COCH: variants seen among roughly 807,000 people sequenced by gnomAD.
COCH encodes the protein coagulation factor C homolog, cochlin (Limulus polyphemus).
A neutral mutation model predicts 54.8 loss-of-function variants in COCH; 40 were observed. The observed-to-expected ratio is 0.73, with a 90% CI of 0.57 to 0.95. The LOEUF is 0.95. Ranked by LOEUF, COCH falls within the 40% of genes least tolerant of loss-of-function variation. The pLI, the probability that COCH is intolerant of heterozygous loss-of-function variation, is 0.00. For synonymous variants in COCH, 256 were observed against 237.9 expected, an observed-to-expected ratio of 1.08 and a Z score of -0.70; for missense variants, 605 against 675.0, an observed-to-expected ratio of 0.90 and a Z score of 1.15.
intron 8 of COCH, among the ~76,000 whole-genome samples, chr14:30,881,105 C>T (rs1056810125): frequency 4.0e-5 from 6 of 150,852 alleles, no homozygotes; most frequent in Non-Finnish European, 1.5e-5. Flanking sequence ...ATCCTAGCTA[C>T]TTGGGAGGCT....
rs753785426 is a variant in COCH at position 30,885,788 on chromosome 14, C to T, written c.961-8C>T. The T allele has an allele frequency of 1.5e-4, 242 of 1,613,664 alleles. 1 individual carries two copies. The highest frequency in any genetic ancestry group is 6.6e-4 in the Middle Eastern group (4 of 6,056). On this transcript the variant is annotated splice_region_variant and splice_polypyrimidine_tract_variant and intron_variant, in intron 10 of 11. Coordinates refer to ENST00000396618, the MANE Select transcript of COCH (RefSeq NM_004086.3). The stretch of plus-strand genomic sequence containing the variant: ...TTTTGGATATCTTTTATGTGTCTCC[C>T]CCATTAGGCTGTCTGTCGGAATAAT...
In COCH at chr14:30,886,332, T is replaced by C. The variant is rs1174709590; in HGVS notation, c.1477+20T>C. On this transcript the variant is annotated intron_variant, in intron 11 of 11. Coordinates refer to ENST00000396618, the MANE Select transcript of COCH (RefSeq NM_004086.3). ...ATGCAGGTAAGGTCCTTGTTCTTTATAGGAGAAGGGAACAGAAAAAACGGT... is the reference window on the plus strand; with the variant it reads ...ATGCAGGTAAGGTCCTTGTTCTTTACAGGAGAAGGGAACAGAAAAAACGGT... 9 of 1,613,424 alleles carry C rather than the reference T, an allele frequency of 5.6e-6. No individual in the cohort carries two copies. The highest frequency in any genetic ancestry group is 2.2e-5 in the East Asian group (1 of 44,900).
downstream of COCH, among the ~76,000 whole-genome samples, chr14:30,892,679 T>C (rs144189709): frequency 7.7e-3 from 1,170 of 152,138 alleles, 16 homozygotes; most frequent in African/African-American, 0.027. Context: ...TGGTGGCGCA[T>C]GCCTGTAATC....
chr14:30,882,855 C>T (rs1169743654), intron 8 of COCH, among the ~76,000 whole-genome samples: 1 of 152,178 alleles, frequency 6.6e-6, no homozygotes, highest in African/African-American at 2.4e-5. Flanking sequence ...CACCACTCTA[C>T]TCCAGCCTGG....
At chr14:30,875,787 G>C (rs1594368640) in intron 3 of COCH, 1 of 153,700 alleles carries the variant, frequency 6.5e-6, no homozygotes, top group African/African-American at 2.4e-5. Context: ...CCTCATGGCT[G>C]TATTTCTCCC....
intron 11 of COCH, among the ~76,000 whole-genome samples, chr14:30,888,783 C>G (rs1566415477): frequency 6.8e-6 from 1 of 147,114 alleles, no homozygotes; most frequent in African/African-American, 2.5e-5. Flanking sequence ...AGAGCCAGAC[C>G]CTGTCTGAGA....
chr14:30,877,078 G>C lies in COCH; in HGVS notation c.83-494G>C, dbSNP rs1408473222. 3.3e-5 allele frequency among the ~76,000 whole-genome samples: 5 copies of C among 151,866 alleles called. No homozygotes were observed. The highest frequency in any genetic ancestry group is 7.4e-5 in the Non-Finnish European group (5 of 67,976). On this transcript the variant is annotated intron_variant, in intron 3 of 11. Transcript: ENST00000396618. This position sits in a 1 kb window ranked among gnomAD's most constrained non-coding sequence, Gnocchi z 8.6. ...CTTGTCTTGGCCTGCTAAAGTGCTG[G>C]GATTATAGGCATGAGTCACCACGCC...
At chr14:30,888,259 C>T (rs1281883521) in intron 11 of COCH, among the ~76,000 whole-genome samples, 1 of 149,548 alleles carries the variant, frequency 6.7e-6, no homozygotes, top group African/African-American at 2.5e-5. Flanking sequence ...TTTTTTTTAA[C>T]CAGGGAGTGA....
chr14:30,880,390 G>GT (rs1895529767), intron 6 of COCH, 62 bp from the exon 7 acceptor site: 15 of 1,601,524 alleles, frequency 9.4e-6, no homozygotes, highest in Non-Finnish European at 1.0e-5. Flanking sequence ...TTCTCCCCAT[G>GT]TGGGTTTCTT....
chr14:30,880,082 T>C lies in COCH; in HGVS notation c.437-370T>C, dbSNP rs532252383. ...CATTAAATTCCTTTAATTACTGCAC[T>C]GTCATGTGACTAAAAGGAATGTGTG... On this transcript the variant is annotated intron_variant, in intron 6 of 11. Transcript: ENST00000396618. Among the ~76,000 whole-genome samples the C allele has an allele frequency of 5.3e-5, 8 of 152,352 alleles. No individual in the cohort carries two copies. In the East Asian group the frequency reaches 1.3e-3, roughly 26 times the overall value.
At chr14:30,892,037 CATGAA>C (rs991695813), downstream of COCH, among the ~76,000 whole-genome samples, 3 of 152,088 alleles carry the variant, frequency 2.0e-5, no homozygotes, top group Admixed American at 6.5e-5. Flanking sequence ...AGAAAAACAA[CATGAA>C]ATGAGAGGCA....
chr14:30,877,653 C>T lies in COCH; in HGVS notation c.164C>T (p.Pro55Leu), dbSNP rs1002149456. Reference sequence around the variant, plus strand: ...GATGTCCTCTGCCCAGGGGGCTGCCCTCTTGAGGAATTCTCTGTGTATGGG... The same window carrying T: ...GATGTCCTCTGCCCAGGGGGCTGCCTTCTTGAGGAATTCTCTGTGTATGGG... ...KADVLCPGGC[P>L]LEEFSVYGNI... Residue 55 changes from proline (P) to leucine (L), a missense_variant, in exon 4 of 12, where the codon CCT becomes CTT. Transcript: ENST00000396618. The surrounding 1 kb of genome is among the most constrained non-coding windows in gnomAD (Gnocchi z 8.6). 5 of 1,614,098 alleles carry T rather than the reference C, an allele frequency of 3.1e-6. No individual in the cohort carries two copies. Among genetic ancestry groups the T allele is most frequent in the Non-Finnish European group, 3.4e-6 (4 of 1,180,050 alleles).
rs1895298979 is a variant in COCH at position 30,874,961 on chromosome 14, C to T, written c.23C>T (p.Ala8Val). The T allele has an allele frequency of 1.2e-6, 2 of 1,613,420 alleles. No homozygotes were observed. Among genetic ancestry groups the T allele is most frequent in the African/African-American group, 1.3e-5 (1 of 74,922 alleles). The change falls in exon 2 of 12, where the codon GCT (alanine) becomes GTT (valine). Residue 8 changes from alanine to valine, a missense_variant. Coordinates refer to ENST00000396618, the MANE Select transcript of COCH (RefSeq NM_004086.3). ...ACCATGTCCGCAGCCTGGATCCCGG[C>T]TCTCGGCCTCGGTGGGTGCGCGCCC... Reference protein sequence around the residue: MSAAWIPALGLGVCLLLL... With the variant: MSAAWIPVLGLGVCLLLL...
intron 4 of COCH, among the ~76,000 whole-genome samples, chr14:30,878,225 G>A (rs1355008668): frequency 1.3e-5 from 2 of 152,208 alleles, no homozygotes; most frequent in Admixed American, 1.3e-4. Context: ...GAGTATCTTA[G>A]GAAAATTGTT....
downstream of COCH, among the ~76,000 whole-genome samples, chr14:30,893,444 G>A (rs1002686599): frequency 2.0e-5 from 3 of 151,982 alleles, no homozygotes; most frequent in African/African-American, 7.3e-5. Flanking sequence ...GAGCCACCGC[G>A]CCCGGCCAAA....
downstream of COCH, among the ~76,000 whole-genome samples, chr14:30,892,523 G>A (rs1896008184): frequency 1.3e-5 from 2 of 152,168 alleles, no homozygotes; most frequent in Admixed American, 6.5e-5. Context: ...AAACTTGCTG[G>A]GCACGGTGGC....
At chr14:30,895,396 C>T (rs771191847), downstream of COCH, 1 of 1,585,628 alleles carries the variant, frequency 6.3e-7, no homozygotes, top group South Asian at 1.1e-5. Context: ...TGTTACGATG[C>T]AAGTTTTTGT....
Position 30,889,862 on chromosome 14 carries a change from T to C in COCH, c.*71T>C, listed in dbSNP as rs1248393467. On this transcript the variant is annotated 3_prime_UTR_variant, in exon 12 of 12. Coordinates refer to ENST00000396618, the MANE Select transcript of COCH (RefSeq NM_004086.3). ...TGTGTAAATTGTATTCTCATAATAC[T>C]GAAATGCTTTAGCATACTAGAATCA... 1 of 1,548,722 alleles carries C rather than the reference T, an allele frequency of 6.5e-7. No homozygotes were observed. Among genetic ancestry groups the C allele is most frequent in the Non-Finnish European group, 8.7e-7 (1 of 1,146,172 alleles).
chr14:30,875,096 G>A lies in COCH; in HGVS notation c.75G>A (p.Glu25=). 1.3e-6 allele frequency: 2 copies of A among 1,572,844 alleles called. No individual in the cohort carries two copies. Among genetic ancestry groups the A allele is most frequent in the South Asian group, 1.1e-5 (1 of 86,992 alleles). ...TGCTGCCGGGGCCCGCGGGCAGCGA[G>A]GGAGCCGGTGAGTGGGGGAGCTGGG... The part of the protein sequence containing the change: ...LLLLPGPAGS[E]GAAPIAITCF... The change falls in exon 3 of 12, where the codon GAG becomes GAA. Residue 25 remains glutamate (E), a synonymous_variant. Coordinates refer to ENST00000396618, the MANE Select transcript of COCH (RefSeq NM_004086.3).
Sources: gnomAD v4.1 joint callset for allele counts (sites outside exome capture counted in the v4.1 genomes callset) on GRCh38, gnomAD v4.1.1 for gene constraint, Gnocchi (gnomAD v3.1) non-coding constraint, MANE v1.5 for transcripts, NCBI Gene and HGNC (gene_info 2026-07-23, HGNC 2026-07-21) for gene names.